SLC30A8: variants seen among roughly 807,000 people sequenced by gnomAD.
SLC30A8 encodes solute carrier family 30 member 8, also known as proton-coupled zinc antiporter SLC30A8.
SLC30A8 carries 27 observed loss-of-function variants against 36.9 expected under a neutral mutation model. That is an observed-to-expected ratio of 0.73 (90% CI 0.54 to 1.01). SLC30A8 has a LOEUF of 1.01. Ranked by LOEUF, SLC30A8 falls within the 50% of genes least tolerant of loss-of-function variation. The pLI, the probability that SLC30A8 is intolerant of heterozygous loss-of-function variation, is 0.00. For missense variants in SLC30A8, 439 were observed against 452.0 expected (o/e 0.97, Z 0.26); for synonymous variants, 164 against 172.4 (o/e 0.95, Z 0.38).
At chr8:116,977,865 A>G (rs995593883) in intron 1 of SLC30A8, among the ~76,000 whole-genome samples, 3 of 152,162 alleles carry the variant, frequency 2.0e-5, no homozygotes, top group South Asian at 4.1e-4. Context: ...TTGCCTGGCA[A>G]TGAATAAGCT....
intron 2 of SLC30A8, among the ~76,000 whole-genome samples, chr8:117,051,705 C>T (rs996649404): frequency 2.0e-5 from 3 of 151,836 alleles, no homozygotes; most frequent in South Asian, 2.1e-4. Context: ...CCCAGCTACT[C>T]GGGAGACTGA....
chr8:116,969,958 A>T (rs1182366931), intron 1 of SLC30A8, among the ~76,000 whole-genome samples: 1 of 152,074 alleles, frequency 6.6e-6, no homozygotes, highest in African/African-American at 2.4e-5. Flanking sequence ...ATAGAAAAAA[A>T]TTTCTTTCTT....
At chr8:117,044,763 T>C (rs1817494394) in intron 2 of SLC30A8, among the ~76,000 whole-genome samples, 2 of 152,180 alleles carry the variant, frequency 1.3e-5, no homozygotes, top group Non-Finnish European at 2.9e-5. Context: ...TTCTGTCCTT[T>C]TGGAGACAAA....
At chr8:117,052,993 G>T (rs543549614) in intron 2 of SLC30A8, among the ~76,000 whole-genome samples, 15 of 150,640 alleles carry the variant, frequency 1.0e-4, no homozygotes. Flanking sequence ...TGCAACCTCC[G>T]CCTCCCAGGT....
chr8:117,127,423 A>G (rs2130914668), intron 2 of SLC30A8, among the ~76,000 whole-genome samples: 1 of 152,222 alleles, frequency 6.6e-6, no homozygotes, highest in African/African-American at 2.4e-5. Flanking sequence ...TCTGCAGTGT[A>G]GAGCAACAAA....
upstream of SLC30A8, among the ~76,000 whole-genome samples, chr8:117,133,098 T>C (rs1184742477): frequency 6.6e-6 from 1 of 152,054 alleles, no homozygotes; most frequent in Non-Finnish European, 1.5e-5. Flanking sequence ...TTTAGGTATC[T>C]ATATATGTGT....
chr8:117,113,075 C>G (rs1172668380), intron 2 of SLC30A8, among the ~76,000 whole-genome samples: 1 of 152,160 alleles, frequency 6.6e-6, no homozygotes, highest in East Asian at 1.9e-4. Context: ...CTTCTATAAT[C>G]TTGCTACTCA....
intron 1 of SLC30A8, among the ~76,000 whole-genome samples, chr8:117,027,550 A>G (rs1258560421): frequency 2.0e-5 from 3 of 151,898 alleles, no homozygotes; most frequent in Non-Finnish European, 4.4e-5. Flanking sequence ...TGTATTGTTG[A>G]CTCCCACAGT....
rs1417681094 is a variant in SLC30A8 at position 117,171,183 on chromosome 8, T to TAAAC, written c.964+17_964+20dup. On this transcript the variant is annotated intron_variant, in intron 7 of 7. Coordinates refer to ENST00000456015, the MANE Select transcript of SLC30A8 (RefSeq NM_173851.3). ...TGTTGCTACAGGTCAGTGAGTTTTG[T>TAAAC]AAACACCCTGGAAAAAATTCAGTCC... The TAAAC allele has an allele frequency of 1.9e-6, 3 of 1,613,182 alleles. No homozygotes were observed. Among genetic ancestry groups the TAAAC allele is most frequent in the African/African-American group, 2.7e-5 (2 of 74,862 alleles).
intron 1 of SLC30A8, among the ~76,000 whole-genome samples, chr8:117,145,075 G>T (rs1821839196): frequency 6.6e-6 from 1 of 152,106 alleles, no homozygotes. Context: ...TCAGCTTGAG[G>T]TTGAAGAATA....
At chr8:117,095,048 G>A (rs1199573642) in intron 2 of SLC30A8, among the ~76,000 whole-genome samples, 1 of 152,228 alleles carries the variant, frequency 6.6e-6, no homozygotes, top group Non-Finnish European at 1.5e-5. Context: ...TGAGCCTTGG[G>A]GGCAGGTGGG....
intron 1 of SLC30A8, among the ~76,000 whole-genome samples, chr8:116,988,404 C>A (rs1176363464): frequency 2.6e-5 from 4 of 152,172 alleles, no homozygotes; most frequent in Non-Finnish European, 5.9e-5. Flanking sequence ...CTTGCATGGA[C>A]AACTCCTTTT....
chr8:117,167,183 C>T (rs560491906), intron 6 of SLC30A8, among the ~76,000 whole-genome samples: 2 of 152,138 alleles, frequency 1.3e-5, no homozygotes, highest in East Asian at 1.9e-4. Context: ...CGCTATAGCT[C>T]TTCCCTGGTG....
At chr8:117,056,702 G>C (rs1247631042) in intron 2 of SLC30A8, among the ~76,000 whole-genome samples, 3 of 152,096 alleles carry the variant, frequency 2.0e-5, no homozygotes, top group Non-Finnish European at 4.4e-5. Context: ...AGTTTTTGGG[G>C]ACAGAGAAGC....
chr8:116,999,065 C>A (rs767578116), intron 1 of SLC30A8, among the ~76,000 whole-genome samples: 2 of 152,190 alleles, frequency 1.3e-5, no homozygotes, highest in Non-Finnish European at 1.5e-5. Context: ...TTGAGACCAG[C>A]CTGGCCAACA....
At chr8:117,093,449 C>T (rs1819222624) in intron 2 of SLC30A8, among the ~76,000 whole-genome samples, 1 of 151,836 alleles carries the variant, frequency 6.6e-6, no homozygotes, top group African/African-American at 2.4e-5. Flanking sequence ...ATTTCTCTCC[C>T]ATTGCCCCTC....
At chr8:117,025,518 A>G (rs1409393277) in intron 1 of SLC30A8, among the ~76,000 whole-genome samples, 1 of 152,212 alleles carries the variant, frequency 6.6e-6, no homozygotes, top group East Asian at 1.9e-4. Flanking sequence ...TGAATGAATG[A>G]TTGAACTCCT....
chr8:116,982,805 T>A (rs565922886), intron 1 of SLC30A8, among the ~76,000 whole-genome samples: 7 of 152,224 alleles, frequency 4.6e-5, no homozygotes, highest in South Asian at 4.1e-4. Flanking sequence ...TATATTTTTT[T>A]AAAAAAATTA....
intron 1 of SLC30A8, among the ~76,000 whole-genome samples, chr8:116,983,344 T>C (rs1485476875): frequency 2.0e-5 from 3 of 152,176 alleles, no homozygotes; most frequent in African/African-American, 4.8e-5. Flanking sequence ...GGCTGTGAGC[T>C]CTGGAATTTC....
Sources: allele counts gnomAD v4.1 joint callset (sites outside exome capture counted in the v4.1 genomes callset), GRCh38; gene constraint gnomAD v4.1.1; transcripts MANE v1.5; gene names NCBI Gene and HGNC (gene_info 2026-07-23, HGNC 2026-07-21).